Variants in UBE2L3 observed in about 807,000 individuals in gnomAD.
UBE2L3 encodes the protein ubiquitin conjugating enzyme E2 L3, also known as ubiquitin-conjugating enzyme E2 L3.
A neutral mutation model predicts 17.8 loss-of-function variants in UBE2L3; 1 was observed. That is an observed-to-expected ratio of 0.06 (90% CI 0.02 to 0.27). The LOEUF (loss-of-function observed/expected upper bound fraction) is 0.27, where lower values mean the gene tolerates loss of function less well. Among genes scored for constraint, UBE2L3 ranks in the 10% least tolerant of loss-of-function variants. UBE2L3 has a pLI of 1.00. For missense variants in UBE2L3, 40 were observed against 192.6 expected, an observed-to-expected ratio of 0.21 and a Z score of 4.69; for synonymous variants, 44 against 68.5, an observed-to-expected ratio of 0.64 and a Z score of 1.76.
At chr22:21,566,182 A>G (rs1381466577), upstream of UBE2L3, among the ~76,000 whole-genome samples, 4 of 151,960 alleles carry the variant, frequency 2.6e-5, no homozygotes, top group African/African-American at 9.7e-5. Context: ...CATGTTGGTC[A>G]GGGTGGTCTC....
At chr22:21,575,513 C>T (rs556756277) in intron 1 of UBE2L3, among the ~76,000 whole-genome samples, 4 of 147,856 alleles carry the variant, frequency 2.7e-5, no homozygotes, top group Non-Finnish European at 6.0e-5. Context: ...CGCTTGAATC[C>T]GGGAGGCGGA....
chr22:21,601,663 G>A (rs1568983241), intron 2 of UBE2L3, among the ~76,000 whole-genome samples: 1 of 151,782 alleles, frequency 6.6e-6, no homozygotes, highest in Non-Finnish European at 1.5e-5. Context: ...AGGCTTGAGA[G>A]CATAGAAACC....
intron 1 of UBE2L3, among the ~76,000 whole-genome samples, chr22:21,574,786 G>A (rs1445062310): frequency 6.6e-6 from 1 of 152,076 alleles, no homozygotes. Flanking sequence ...CCAACATGGT[G>A]AAAACCCATC....
intron 3 of UBE2L3, 42 bp downstream of exon 3, chr22:21,611,085 G>A (rs1929446787): frequency 6.5e-7 from 1 of 1,540,326 alleles, no homozygotes; most frequent in Non-Finnish European, 8.7e-7. Context: ...GGGTCTTTGG[G>A]GGTGCTGCTC....
At chr22:21,618,304 G>A (rs1296612253) in intron 3 of UBE2L3, among the ~76,000 whole-genome samples, 1 of 152,018 alleles carries the variant, frequency 6.6e-6, no homozygotes, top group South Asian at 2.1e-4. Flanking sequence ...AGTGGCTCAC[G>A]CCTGTAATCC....
intron 3 of UBE2L3, among the ~76,000 whole-genome samples, chr22:21,613,548 C>G (rs1360999028): frequency 6.6e-6 from 1 of 152,182 alleles, no homozygotes; most frequent in Non-Finnish European, 1.5e-5. Context: ...TGATCCCCAT[C>G]CTCACATACA....
intron 3 of UBE2L3, among the ~76,000 whole-genome samples, chr22:21,612,643 C>CTTTCTTTTTTTT (rs1929552484): frequency 1.9e-5 from 1 of 52,476 alleles, no homozygotes; most frequent in Non-Finnish European, 3.7e-5. Flanking sequence ...CTTTTCTTTT[C>CTTTCTTTTTTTT]TTTTTTTTTT....
intron 3 of UBE2L3, among the ~76,000 whole-genome samples, chr22:21,615,405 A>C (rs1929714874): frequency 6.6e-6 from 1 of 151,544 alleles, no homozygotes; most frequent in Non-Finnish European, 1.5e-5. Flanking sequence ...AATAAAAAAA[A>C]TTAGCCGAGC....
At chr22:21,580,973 C>G (rs1333802239) in intron 1 of UBE2L3, among the ~76,000 whole-genome samples, 1 of 151,276 alleles carries the variant, frequency 6.6e-6, no homozygotes, top group Non-Finnish European at 1.5e-5. Flanking sequence ...ATTATAACCT[C>G]GAATTCCTGG....
chr22:21,568,867 C>T (rs1388698158), intron 1 of UBE2L3, among the ~76,000 whole-genome samples: 1 of 152,136 alleles, frequency 6.6e-6, no homozygotes, highest in Non-Finnish European at 1.5e-5. Flanking sequence ...TCCCTCCGTC[C>T]CTGGGAACGT....
chr22:21,613,763 A>G (rs1052367533), intron 3 of UBE2L3, among the ~76,000 whole-genome samples: 4 of 152,140 alleles, frequency 2.6e-5, no homozygotes, highest in Admixed American at 6.5e-5. Flanking sequence ...TGAGGTGGGA[A>G]CTCAACTTGG....
intron 1 of UBE2L3, among the ~76,000 whole-genome samples, chr22:21,575,309 G>A (rs1469419558): frequency 6.7e-6 from 1 of 149,842 alleles, no homozygotes; most frequent in Non-Finnish European, 1.5e-5. Context: ...TTACTTGGCT[G>A]GGCGTGGTGG....
upstream of UBE2L3, among the ~76,000 whole-genome samples, chr22:21,566,725 T>A (rs976244126): frequency 6.6e-6 from 1 of 151,974 alleles, no homozygotes; most frequent in Non-Finnish European, 1.5e-5. Flanking sequence ...TCCCACCCTA[T>A]AATCCTTTTA....
intron 1 of UBE2L3, among the ~76,000 whole-genome samples, chr22:21,587,177 C>T (rs369787844): frequency 1.3e-4 from 20 of 151,974 alleles, no homozygotes; most frequent in African/African-American, 1.7e-4. Flanking sequence ...TGAACCACCA[C>T]GCCTGGCGCT....
At chr22:21,573,846 G>C (rs903802574) in intron 1 of UBE2L3, among the ~76,000 whole-genome samples, 3 of 152,164 alleles carry the variant, frequency 2.0e-5, no homozygotes, top group African/African-American at 7.2e-5. Flanking sequence ...TTGAGGCATT[G>C]GCTTGATTTT....
Position 21,587,437 on chromosome 22 carries a change from C to A in UBE2L3, c.28-5424C>A, listed in dbSNP as rs528363311. 1.4e-4 allele frequency among the ~76,000 whole-genome samples: 22 copies of A among 152,134 alleles called. No individual in the cohort carries two copies. The South Asian group carries it at 4.6e-3, about 32-fold the overall frequency. On this transcript the variant is annotated intron_variant, in intron 1 of 3. Coordinates refer to ENST00000342192, the MANE Select transcript of UBE2L3 (RefSeq NM_003347.4). ...CTCGTGATCCACCCGCCTTGGCCTC[C>A]CAAAGTGCTGGGATTACAGGTGTGA...
At chr22:21,558,867 C>A (rs1338643426) in intron 1 of UBE2L3, among the ~76,000 whole-genome samples, 44 of 152,054 alleles carry the variant, frequency 2.9e-4, no homozygotes, top group Non-Finnish European at 8.8e-5. Context: ...CAGTGCCTGG[C>A]ACATGATAGG....
chr22:21,565,787 GA>G (rs908562007), upstream of UBE2L3, among the ~76,000 whole-genome samples: 7 of 87,846 alleles, frequency 8.0e-5, no homozygotes, highest in Non-Finnish European at 1.4e-4. Context: ...AAAAAAAAGA[GA>G]AAAACTCCTT....
intron 3 of UBE2L3, among the ~76,000 whole-genome samples, chr22:21,616,961 A>G (rs985652612): frequency 4.6e-5 from 7 of 152,016 alleles, no homozygotes; most frequent in African/African-American, 1.7e-4. Flanking sequence ...CTGTAATCCC[A>G]GCACTTTGGG....
Sources: gnomAD v4.1 joint callset for allele counts (sites outside exome capture counted in the v4.1 genomes callset) on GRCh38, gnomAD v4.1.1 for gene constraint, MANE v1.5 for transcripts, NCBI Gene and HGNC (gene_info 2026-07-23, HGNC 2026-07-21) for gene names.